Variants in PRKCI observed in about 807,000 individuals in gnomAD.
The protein encoded by PRKCI is protein kinase C iota type.
In PRKCI, 43 loss-of-function variants were observed where a neutral mutation model predicts 84.0. The observed-to-expected ratio is 0.51, with a 90% confidence interval of 0.40 to 0.66. PRKCI has a LOEUF of 0.66. PRKCI is among the 30% of genes least tolerant of loss of function. PRKCI has a pLI of 0.00. For missense variants in PRKCI, 459 were observed against 745.6 expected (o/e 0.62, Z 4.48); for synonymous variants, 216 against 234.4 (o/e 0.92, Z 0.72).
At chr3:170,281,990 G>A in intron 11 of PRKCI, 22 bp downstream of exon 11, 2 of 1,605,178 alleles carry the variant, frequency 1.2e-6, no homozygotes, top group Non-Finnish European at 8.5e-7. Flanking sequence ...TTTACTGTTT[G>A]TGTTGTTTTC....
intron 13 of PRKCI, among the ~76,000 whole-genome samples, chr3:170,292,770 G>A (rs921272655): frequency 2.0e-5 from 3 of 150,136 alleles, no homozygotes; most frequent in African/African-American, 7.3e-5. Flanking sequence ...AGCCGGGCGC[G>A]GTGGCTCACA....
chr3:170,301,943 C>T (rs1428814953), intron 17 of PRKCI, among the ~76,000 whole-genome samples: 1 of 152,162 alleles, frequency 6.6e-6, no homozygotes, highest in Non-Finnish European at 1.5e-5. Flanking sequence ...ATACCTCTCA[C>T]CATAATACAA....
intron 17 of PRKCI, among the ~76,000 whole-genome samples, chr3:170,302,517 G>A (rs570768288): frequency 6.6e-6 from 1 of 152,104 alleles, no homozygotes; most frequent in Non-Finnish European, 1.5e-5. Flanking sequence ...GTATATTAAA[G>A]TAGAAGCCCA....
intron 16 of PRKCI, among the ~76,000 whole-genome samples, chr3:170,298,219 G>A (rs778029743): frequency 1.3e-5 from 2 of 151,802 alleles, no homozygotes; most frequent in Non-Finnish European, 2.9e-5. Flanking sequence ...ATGTTATTAA[G>A]GCCCATATCA....
At chr3:170,298,239 C>G (rs747436614) in intron 16 of PRKCI, among the ~76,000 whole-genome samples, 4 of 151,754 alleles carry the variant, frequency 2.6e-5, no homozygotes, top group African/African-American at 4.8e-5. Context: ...AATGTTTATA[C>G]TTGTTTTTAT....
In PRKCI at chr3:170,300,583, C is replaced by CA. The variant is rs569208737; in HGVS notation, c.1703+1485dup. Among the ~76,000 whole-genome samples the CA allele has an allele frequency of 5.9e-3, 784 of 132,288 alleles. 10 individuals are homozygous for CA. The highest frequency in any genetic ancestry group is 0.018 in the African/African-American group (662 of 36,206). The allele number at this position is 132,288 out of a possible 152,430, so 86.8% of individuals were successfully genotyped here. The stretch of plus-strand genomic sequence containing the variant: ...TCATTTTCATTTCATCTTAAAGCCT[C>CA]AAAAAAAAAAAAGTTAATAGATGTT... On this transcript the variant is annotated intron_variant, in intron 17 of 17. Transcript: ENST00000295797.
chr3:170,259,897 A>T (rs1452954161), intron 2 of PRKCI, 72 bp from the exon 3 acceptor site: 8 of 775,460 alleles, frequency 1.0e-5, no homozygotes, highest in Non-Finnish European at 1.4e-5. Context: ...AATTTACATT[A>T]TGAAATTTGT....
At chr3:170,297,874 T>A (rs114153063) in intron 16 of PRKCI, among the ~76,000 whole-genome samples, 1,962 of 152,172 alleles carry the variant, frequency 0.013, 12 homozygotes, top group Non-Finnish European at 0.019. Flanking sequence ...AATTTTTTTT[T>A]AATTTATTAT....
chr3:170,241,538 T>C (rs1176245868), intron 2 of PRKCI, among the ~76,000 whole-genome samples: 1 of 152,216 alleles, frequency 6.6e-6, no homozygotes, highest in African/African-American at 2.4e-5. Context: ...TTCCATTGTG[T>C]GTATATGCCA....
chr3:170,226,017 A>T (rs1732619280), intron 1 of PRKCI, among the ~76,000 whole-genome samples: 1 of 151,326 alleles, frequency 6.6e-6, no homozygotes, highest in African/African-American at 2.4e-5. Context: ...GGTTCAAGGG[A>T]TTCTCCTGCG....
chr3:170,300,683 ATT>A (rs201572419), intron 17 of PRKCI, among the ~76,000 whole-genome samples: 4,584 of 138,190 alleles, frequency 0.033, 102 homozygotes, highest in East Asian at 0.088. Context: ...ATTGTCTTGA[ATT>A]TTTTTTTTTT....
chr3:170,295,043 C>T (rs533732700), intron 14 of PRKCI, among the ~76,000 whole-genome samples: 1 of 151,298 alleles, frequency 6.6e-6, no homozygotes, highest in South Asian at 2.1e-4. Flanking sequence ...AACCCCGTCT[C>T]TACTAAAAAT....
Position 170,304,903 on chromosome 3 carries a change from T to C in PRKCI, c.*1776T>C, listed in dbSNP as rs1734917612. The C allele has an allele frequency of 6.6e-6, 1 of 152,186 alleles. No homozygotes were observed. The highest frequency in any genetic ancestry group is 1.5e-5 in the Non-Finnish European group (1 of 68,034). The allele number at this position is 152,186 out of a possible 1,614,324, so 9.4% of individuals were successfully genotyped here. A position where few individuals can be genotyped will look rare whatever the true frequency, so the allele number is the denominator to read the frequency against. ...TAGGCATTTAATAAATTATCTTTTT[T>C]TGGAGGGGTGGATGCTGCATTTCAT... is the stretch of plus-strand genomic sequence containing the variant. On this transcript the variant is annotated 3_prime_UTR_variant, in exon 18 of 18. Transcript: ENST00000295797.
At chr3:170,263,301 T>A in intron 3 of PRKCI, 78 bp from the exon 4 acceptor site, 1 of 1,282,430 alleles carries the variant, frequency 7.8e-7, no homozygotes, top group Non-Finnish European at 1.1e-6. Context: ...CAGTTTCTTT[T>A]ACATTTGAAT....
chr3:170,235,265 C>T lies in PRKCI; in HGVS notation c.137C>T (p.Ser46Phe). Residue 46 changes from serine to phenylalanine, a missense_variant, in exon 2 of 18, where the codon TCC becomes TTC. This residue lies in a region of PRKCI where 250 missense variants were observed against 319.7 expected (regional missense o/e 0.78). Transcript: ENST00000295797. ...IMITHFEPSI[S>F]FEGLCNEVRD... is the part of the protein sequence containing the mutation. ...ATAACACATTTTGAACCTTCCATCT[C>T]CTTTGAGGGCCTTTGCAATGAGGTT... 1 of 1,613,900 alleles carries T rather than the reference C, an allele frequency of 6.2e-7. No individual in the cohort carries two copies. Among genetic ancestry groups the T allele is most frequent in the Non-Finnish European group, 8.5e-7 (1 of 1,179,848 alleles).
chr3:170,286,481 G>A (rs1223416777), intron 12 of PRKCI, among the ~76,000 whole-genome samples: 2 of 132,338 alleles, frequency 1.5e-5, no homozygotes, highest in South Asian at 4.9e-4. Context: ...TTAAAACAAT[G>A]AGGCTTTTTT....
chr3:170,270,298 G>A (rs1733966385), intron 5 of PRKCI, 123 bp from the exon 6 acceptor site: 3 of 961,328 alleles, frequency 3.1e-6, no homozygotes, highest in Non-Finnish European at 2.9e-6. Flanking sequence ...TTTTGCTTTT[G>A]TTTTTGTTTT....
intron 11 of PRKCI, among the ~76,000 whole-genome samples, 168 bp downstream of exon 11, chr3:170,282,136 CAATT>C (rs1475508117): frequency 2.0e-5 from 3 of 152,086 alleles, no homozygotes; most frequent in East Asian, 3.8e-4. Context: ...ATATGTAAAA[CAATT>C]ATATATTCTT....
intron 1 of PRKCI, among the ~76,000 whole-genome samples, chr3:170,225,669 A>G (rs771133657): frequency 1.3e-5 from 2 of 151,704 alleles, no homozygotes; most frequent in Non-Finnish European, 2.9e-5. Flanking sequence ...CAGCCTCTCA[A>G]AGTGCTGGGA....
Sources: allele counts gnomAD v4.1 joint callset (sites outside exome capture counted in the v4.1 genomes callset), GRCh38; gene constraint gnomAD v4.1.1; regional missense constraint gnomAD v4.1.1; transcripts MANE v1.5; gene names NCBI Gene and HGNC (gene_info 2026-07-23, HGNC 2026-07-21).